Variants in ASAP2 observed in about 807,000 individuals in gnomAD.
The protein encoded by ASAP2 is ArfGAP with SH3 domain, ankyrin repeat and PH domain 2.
In ASAP2, 45 loss-of-function variants were observed where a neutral mutation model predicts 131.4. The ratio of observed to expected loss-of-function variants is 0.34; its 90% CI spans 0.27 to 0.44. The LOEUF (loss-of-function observed/expected upper bound fraction) is 0.44, where lower values mean the gene tolerates loss of function less well. ASAP2 is among the 20% of genes least tolerant of loss of function. The pLI, the probability that ASAP2 is intolerant of heterozygous loss-of-function variation, is 1.00. For missense variants in ASAP2, 1,011 were observed against 1,297.0 expected (o/e 0.78, Z 3.39); for synonymous variants, 510 against 503.0 (o/e 1.01, Z -0.19).
intron 3 of ASAP2, among the ~76,000 whole-genome samples, chr2:9,318,079 C>T (rs1237853250): frequency 2.0e-5 from 3 of 152,178 alleles, no homozygotes. Context: ...TTTGTTTCCC[C>T]TGCTTGGAGC....
intron 1 of ASAP2, among the ~76,000 whole-genome samples, chr2:9,278,513 A>G (rs1169260672): frequency 1.7e-5 from 1 of 59,884 alleles, no homozygotes; most frequent in Non-Finnish European, 3.7e-5. Context: ...ACCCCTTCTC[A>G]AAAAAAAAAA....
In ASAP2 at chr2:9,350,817, C is replaced by A; in HGVS notation, c.1033C>A (p.Pro345Thr). The A allele has an allele frequency of 6.2e-7, 1 of 1,613,396 alleles. No individual in the cohort carries two copies. The highest frequency in any genetic ancestry group is 8.5e-7 in the Non-Finnish European group (1 of 1,179,614). The change falls in exon 12 of 28, where the codon CCT becomes ACT. Residue 345 changes from proline to threonine, a missense_variant. Pro to Thr is a conservative substitution (Grantham distance 38, BLOSUM62 -1). Around this residue, in one of 2 missense-constraint regions of ASAP2, gnomAD observed 359 missense variants for 598.1 expected, o/e 0.60. Transcript: ENST00000281419. ...LTISHGTANR[P>T]PAKLNLLTCQ... ...TTTTGCTTTTAAACAGGCTAACCGG[C>A]CTCCTGCAAAGCTCAACCTGCTAAC...
At chr2:9,262,049 A>T (rs527565485) in intron 1 of ASAP2, among the ~76,000 whole-genome samples, 9 of 152,256 alleles carry the variant, frequency 5.9e-5, no homozygotes, top group African/African-American at 1.9e-4. Context: ...GGGTGTTGCT[A>T]CGTTGCCCAG....
In ASAP2 at chr2:9,281,877, C is replaced by T. The variant is rs113315551; in HGVS notation, c.199+2488C>T. ...ATACTGCAGAGCACCAGATGAGTTCCGAGCTCTTGTGCATTGCCTGGACTC... is the reference window on the plus strand; with the variant it reads ...ATACTGCAGAGCACCAGATGAGTTCTGAGCTCTTGTGCATTGCCTGGACTC... On this transcript the variant is annotated intron_variant, in intron 2 of 27. Transcript: ENST00000281419. The surrounding 1 kb of genome is among the most constrained non-coding windows in gnomAD (Gnocchi z 4.0). Among the ~76,000 whole-genome samples the T allele has an allele frequency of 1.4e-3, 206 of 152,274 alleles. 1 individual carries two copies. The highest frequency in any genetic ancestry group is 4.3e-3 in the African/African-American group (179 of 41,546).
intron 1 of ASAP2, among the ~76,000 whole-genome samples, chr2:9,274,319 C>CTTTTTTTTT (rs57798948): frequency 9.4e-6 from 1 of 106,766 alleles, no homozygotes; most frequent in Non-Finnish European, 1.8e-5. Flanking sequence ...AGCATTCAAT[C>CTTTTTTTTT]TTTTTTTTTT....
intron 14 of ASAP2, among the ~76,000 whole-genome samples, chr2:9,358,448 C>T (rs1672856184): frequency 6.6e-6 from 1 of 152,168 alleles, no homozygotes; most frequent in African/African-American, 2.4e-5. Context: ...TGTGTTTTCA[C>T]CACCAGCCAT....
At position 9,393,372 on chromosome 2, in the gene ASAP2, G is replaced by C. The variant is rs959952679; in HGVS notation, c.2519-110G>C. 4.7e-5 allele frequency: 48 copies of C among 1,014,858 alleles called. No homozygotes were observed. In the African/African-American group the frequency reaches 6.5e-4, roughly 14 times the overall value. The allele number at this position is 1,014,858 out of a possible 1,614,324, so 62.9% of individuals were successfully genotyped here. On this transcript the variant is annotated intron_variant, in intron 23 of 27. Transcript: ENST00000281419. ...GGAAATAGCAGCAGGTTTTTCCTTA[G>C]GAAATAGCAATAAAAAACTGAAGCC...
chr2:9,382,157 T>G (rs1674905566), intron 20 of ASAP2, among the ~76,000 whole-genome samples: 1 of 152,108 alleles, frequency 6.6e-6, no homozygotes, highest in African/African-American at 2.4e-5. Flanking sequence ...CTAATTTTTA[T>G]ATTTTTAATA....
At position 9,403,357 on chromosome 2, in the gene ASAP2, A is replaced by G. The variant is rs61275565; in HGVS notation, c.*30A>G. Reference sequence around the variant, plus strand: ...CTACTGAACAAAAGCATTAACAGTTATGTTCCTGTTTCGTTATTGGTACCA... The same window carrying G: ...CTACTGAACAAAAGCATTAACAGTTGTGTTCCTGTTTCGTTATTGGTACCA... On this transcript the variant is annotated 3_prime_UTR_variant, in exon 28 of 28. Coordinates refer to ENST00000281419, the MANE Select transcript of ASAP2 (RefSeq NM_003887.3). 4 of 1,604,708 alleles carry G rather than the reference A, an allele frequency of 2.5e-6. No individual in the cohort carries two copies. In the African/African-American group the frequency reaches 5.3e-5, roughly 21 times the overall value.
intron 1 of ASAP2, among the ~76,000 whole-genome samples, chr2:9,227,499 A>G (rs970654273): frequency 7.9e-5 from 12 of 152,090 alleles, no homozygotes; most frequent in Admixed American, 7.2e-4. Context: ...TCTCATTTGT[A>G]TTTATACTTG....
At chr2:9,365,757 T>C (rs1373426890) in intron 15 of ASAP2, among the ~76,000 whole-genome samples, 1 of 152,204 alleles carries the variant, frequency 6.6e-6, no homozygotes, top group Non-Finnish European at 1.5e-5. Context: ...GAACTTCTTT[T>C]CCAGGGCTTC....
intron 1 of ASAP2, among the ~76,000 whole-genome samples, chr2:9,254,172 C>T (rs1375443645): frequency 8.0e-6 from 1 of 125,336 alleles, no homozygotes; most frequent in African/African-American, 3.1e-5. Context: ...CACCACTGCA[C>T]TGCACTCCAG....
At chr2:9,401,755 C>T (rs1035859675) in intron 27 of ASAP2, among the ~76,000 whole-genome samples, 2 of 152,256 alleles carry the variant, frequency 1.3e-5, no homozygotes, top group African/African-American at 4.8e-5. Flanking sequence ...GAGCGCAGAG[C>T]CCCAGGCCTG....
intron 1 of ASAP2, among the ~76,000 whole-genome samples, chr2:9,262,597 G>A (rs1001960112): frequency 6.6e-6 from 1 of 152,228 alleles, no homozygotes; most frequent in Non-Finnish European, 1.5e-5. Flanking sequence ...CCAGTGATTT[G>A]TAACTGATGC....
At chr2:9,378,817 A>G (rs1674602688) in intron 18 of ASAP2, 127 bp from the exon 19 acceptor site, 9 of 562,154 alleles carry the variant, frequency 1.6e-5, no homozygotes, top group Non-Finnish European at 2.5e-5. Flanking sequence ...GCGATGATTT[A>G]CAGAAACCGT....
At chr2:9,270,500 T>C (rs907162) in intron 1 of ASAP2, among the ~76,000 whole-genome samples, 51,878 of 151,958 alleles carry the variant, frequency 0.34, 9,282 homozygotes, top group Non-Finnish European at 0.4. Context: ...GATACAGGCA[T>C]GCAGTGCATA....
rs1203534697 is a variant in ASAP2 at position 9,405,124 on chromosome 2, G to C, written c.*1797G>C. ...TAGAACTCCAGTCCCAAACTAATCT[G>C]TCAGGTTCACTGGTACATAAATACC... On this transcript the variant is annotated 3_prime_UTR_variant, in exon 28 of 28. Coordinates refer to ENST00000281419, the MANE Select transcript of ASAP2 (RefSeq NM_003887.3). The C allele has an allele frequency of 6.6e-6, 1 of 152,234 alleles. No homozygotes were observed. The highest frequency in any genetic ancestry group is 1.5e-5 in the Non-Finnish European group (1 of 68,014). The allele number at this position is 152,234 out of a possible 1,614,324, so 9.4% of individuals were successfully genotyped here.
At chr2:9,371,015 G>A (rs555871835) in intron 16 of ASAP2, among the ~76,000 whole-genome samples, 7 of 152,312 alleles carry the variant, frequency 4.6e-5, no homozygotes, top group Admixed American at 4.6e-4. Context: ...TTTCTTCCAA[G>A]CACCAGGGGT....
At chr2:9,302,793 A>G (rs1005872051) in intron 3 of ASAP2, among the ~76,000 whole-genome samples, 3 of 152,156 alleles carry the variant, frequency 2.0e-5, no homozygotes, top group Non-Finnish European at 4.4e-5. Context: ...CTGGGATTAC[A>G]GGTGTGAGCC....
Sources: allele counts gnomAD v4.1 joint callset (sites outside exome capture counted in the v4.1 genomes callset), GRCh38; gene constraint gnomAD v4.1.1; regional missense constraint gnomAD v4.1.1; non-coding constraint Gnocchi (gnomAD v3.1); transcripts MANE v1.5; gene names NCBI Gene and HGNC (gene_info 2026-07-23, HGNC 2026-07-21).